The following TNKS2 variants were observed in gnomAD, a reference collection of about 807,000 sequenced individuals.
TNKS2 encodes the protein poly [ADP-ribose] polymerase tankyrase-2.
Under a neutral mutation model 137.6 loss-of-function variants are expected in TNKS2, and 72 were observed. The ratio of observed to expected loss-of-function variants is 0.52; its 90% CI spans 0.43 to 0.64. TNKS2 has a LOEUF of 0.64. Among genes scored for constraint, TNKS2 ranks in the 30% least tolerant of loss-of-function variants. The probability of loss-of-function intolerance (pLI) is 0.00; values close to 1 mark genes in which losing one functional copy is unlikely to be tolerated. For missense variants in TNKS2, 1,049 were observed against 1,410.2 expected, an observed-to-expected ratio of 0.74 and a Z score of 4.10; for synonymous variants, 516 against 512.1, an observed-to-expected ratio of 1.01 and a Z score of -0.10.
Position 91,828,269 on chromosome 10 carries a change from CT to C in TNKS2, c.983-11del. ...TTTGAACTCGTTATACATGTAAATGCTTTTTCTTCATCTAGATGAATTTAAA... is the reference window on the plus strand; with the variant it reads ...TTTGAACTCGTTATACATGTAAATGCTTTTCTTCATCTAGATGAATTTAAA... On this transcript the variant is annotated splice_polypyrimidine_tract_variant and intron_variant, in intron 8 of 26. Transcript: ENST00000371627. 1 of 1,550,018 alleles carries C rather than the reference CT, an allele frequency of 6.5e-7. No homozygotes were observed. The highest frequency in any genetic ancestry group is 1.4e-5 in the African/African-American group (1 of 71,456).
At chr10:91,816,162 A>G (rs2133606422) in intron 2 of TNKS2, among the ~76,000 whole-genome samples, 1 of 151,926 alleles carries the variant, frequency 6.6e-6, no homozygotes. Context: ...GTTAGCCAGG[A>G]TGGTCTCGAT....
At chr10:91,840,760 T>C in intron 14 of TNKS2, 54 bp downstream of exon 14, 1 of 1,503,470 alleles carries the variant, frequency 6.7e-7, no homozygotes, top group Non-Finnish European at 9.0e-7. Flanking sequence ...TTGACCTTTT[T>C]AGGAAAACCT....
At chr10:91,803,677 A>G (rs1844244228) in intron 1 of TNKS2, among the ~76,000 whole-genome samples, 1 of 152,218 alleles carries the variant, frequency 6.6e-6, no homozygotes, top group African/African-American at 2.4e-5. Flanking sequence ...TCCTCAGAAA[A>G]AATGTGTCAC....
intron 25 of TNKS2, 112 bp downstream of exon 25, chr10:91,859,760 T>G (rs1842804396): frequency 2.5e-6 from 2 of 798,494 alleles, no homozygotes; most frequent in Non-Finnish European, 3.9e-6. Flanking sequence ...GCTAGGCATG[T>G]TTTAGATTGC....
chr10:91,826,838 C>G (rs994861189), intron 7 of TNKS2, among the ~76,000 whole-genome samples, 179 bp from the exon 8 acceptor site: 8 of 152,192 alleles, frequency 5.3e-5, no homozygotes, highest in African/African-American at 1.7e-4. Context: ...GTAGGGCTAG[C>G]AATCAGCTAC....
rs550993363 is a variant in TNKS2 at position 91,807,128 on chromosome 10, C to G, written c.200-5855C>G. The G allele has an allele frequency of 7.4e-6, 11 of 1,487,768 alleles. No homozygotes were observed. The East Asian group carries it at 2.3e-4, about 31-fold the overall frequency. The allele number at this position is 1,487,768 out of a possible 1,614,324, so 92.2% of individuals were successfully genotyped here. A position where few individuals can be genotyped will look rare whatever the true frequency, so the allele number is the denominator to read the frequency against. ...TTCTGTCCCAACACTTTCTCTAATT[C>G]AAAAGATATTTACTTCCTAAGTACA... is the stretch of plus-strand genomic sequence containing the variant. On this transcript the variant is annotated intron_variant, in intron 1 of 26. Transcript: ENST00000371627.
intron 25 of TNKS2, among the ~76,000 whole-genome samples, chr10:91,861,425 G>A (rs1238734251): frequency 1.3e-5 from 2 of 152,194 alleles, no homozygotes; most frequent in Admixed American, 1.3e-4. Flanking sequence ...AAGCAGAAAA[G>A]TGACTTGATC....
intron 12 of TNKS2, among the ~76,000 whole-genome samples, chr10:91,835,290 T>TTTTTTTCTTTTG (rs1469814462): frequency 5.3e-5 from 8 of 150,450 alleles, no homozygotes; most frequent in Admixed American, 4.6e-4. Flanking sequence ...TTTTTCTTTT[T>TTTTTTTCTTTTG]TTTTTTCTTT....
At chr10:91,857,272 A>G (rs1320283454) in intron 23 of TNKS2, among the ~76,000 whole-genome samples, 153 bp from the exon 24 acceptor site, 2 of 152,184 alleles carry the variant, frequency 1.3e-5, no homozygotes, top group Non-Finnish European at 2.9e-5. Flanking sequence ...TGGTTGGGAC[A>G]AAGTATTTTT....
intron 3 of TNKS2, 140 bp downstream of exon 3, chr10:91,817,369 A>C: frequency 1.9e-6 from 1 of 527,316 alleles, no homozygotes; most frequent in Non-Finnish European, 3.4e-6. Context: ...TTCTACGTCT[A>C]GATAGCTGAC....
At chr10:91,817,049 G>T in intron 2 of TNKS2, 85 bp from the exon 3 acceptor site, 1 of 890,562 alleles carries the variant, frequency 1.1e-6, no homozygotes, top group African/African-American at 1.7e-5. Context: ...GACTTTGCTG[G>T]ACCAGACTTC....
chr10:91,838,852 A>G (rs901569777), intron 13 of TNKS2, among the ~76,000 whole-genome samples: 2 of 152,058 alleles, frequency 1.3e-5, no homozygotes, highest in African/African-American at 2.4e-5. Flanking sequence ...TTTTACTAAT[A>G]TGGATATATT....
chr10:91,844,537 C>T (rs1374803530), intron 16 of TNKS2, among the ~76,000 whole-genome samples: 1 of 152,024 alleles, frequency 6.6e-6, no homozygotes, highest in Non-Finnish European at 1.5e-5. Flanking sequence ...CCTCTGAGAC[C>T]CATGTACCTG....
In TNKS2 at chr10:91,845,947, G is replaced by A. The variant is rs572414108; in HGVS notation, c.2358+7G>A. On this transcript the variant is annotated splice_region_variant and intron_variant, in intron 18 of 26. Coordinates refer to ENST00000371627, the MANE Select transcript of TNKS2 (RefSeq NM_025235.4). ...ACCTTTAGATTTAGTTTCAGTAAGT[G>A]ATGGGCTTTTTGAAAAATCTCAGTG... 1 of 1,509,902 alleles carries A rather than the reference G, an allele frequency of 6.6e-7. No homozygotes were observed. The highest frequency in any genetic ancestry group is 1.4e-5 in the African/African-American group (1 of 72,718). 93.5% of individuals were successfully genotyped at this position (1,509,902 alleles called of 1,614,324 possible).
chr10:91,805,107 CTTT>C (rs5786972), intron 1 of TNKS2, among the ~76,000 whole-genome samples: 9 of 146,990 alleles, frequency 6.1e-5, no homozygotes, highest in Admixed American at 2.7e-4. Flanking sequence ...CTCCAAGCAA[CTTT>C]TTTTTTTTTT....
intron 3 of TNKS2, 152 bp downstream of exon 3, chr10:91,817,381 T>C: frequency 1.9e-6 from 1 of 519,570 alleles, no homozygotes; most frequent in Non-Finnish European, 3.5e-6. Context: ...ATAGCTGACA[T>C]TTTATTCTCC....
intron 9 of TNKS2, 79 bp downstream of exon 9, chr10:91,828,485 C>A: frequency 1.5e-6 from 2 of 1,320,700 alleles, no homozygotes; most frequent in Non-Finnish European, 9.9e-7. Flanking sequence ...ACTTTTAGAA[C>A]TAGCATTTTT....
intron 6 of TNKS2, among the ~76,000 whole-genome samples, chr10:91,822,043 A>G (rs1844906901): frequency 2.0e-5 from 3 of 152,192 alleles, no homozygotes; most frequent in African/African-American, 7.2e-5. Context: ...GAGAAATAAC[A>G]TAGACCCAAA....
In TNKS2 at chr10:91,848,240, A is replaced by T. The variant is rs1258968555; in HGVS notation, c.2359-143A>T. On this transcript the variant is annotated intron_variant, in intron 18 of 26. Transcript: ENST00000371627. The stretch of plus-strand genomic sequence containing the variant: ...TGACCTGTATTAACCTGTTTGCTTC[A>T]CTTTTTAAAATGAATAATCCTCCAT... The T allele has an allele frequency of 6.3e-6, 6 of 950,336 alleles. No homozygotes were observed. The African/African-American group carries it at 9.9e-5, about 16-fold the overall frequency. The allele number at this position is 950,336 out of a possible 1,614,324, so 58.9% of individuals were successfully genotyped here.
Sources: allele counts gnomAD v4.1 joint callset (sites outside exome capture counted in the v4.1 genomes callset), GRCh38; gene constraint gnomAD v4.1.1; transcripts MANE v1.5; gene names NCBI Gene and HGNC (gene_info 2026-07-23, HGNC 2026-07-21).